RFC3: variants seen among roughly 807,000 people sequenced by gnomAD.
RFC3 encodes replication factor C subunit 3.
RFC3 carries 41 observed loss-of-function variants against 45.1 expected under a neutral mutation model. The ratio of observed to expected loss-of-function variants is 0.91; its 90% confidence interval spans 0.71 to 1.18. The LOEUF (loss-of-function observed/expected upper bound fraction) is 1.18. RFC3 is among the 50% of genes most tolerant of loss of function. RFC3 has a pLI of 0.00. For missense variants in RFC3, 423 were observed against 428.1 expected (o/e 0.99, Z 0.10); for synonymous variants, 149 against 144.0 (o/e 1.03, Z -0.25).
At chr13:33,831,171 C>T (rs778174983) in intron 6 of RFC3, 85 bp from the exon 7 acceptor site, 35 of 830,622 alleles carry the variant, frequency 4.2e-5, no homozygotes, top group South Asian at 2.9e-4. Context: ...GGTTCCTAAC[C>T]GCACGGACCA....
rs755494831 is a variant in RFC3, at chr13:33,835,194, A to G, written c.856A>G (p.Ile286Val). ...GCTGTATGAGCTTCTAACTCATTGT[A>G]TTCCTCCTGAGATAATAATGAAGGT... Reference protein sequence around the residue: ...GRLYELLTHCIPPEIIMKGLL... With the variant: ...GRLYELLTHCVPPEIIMKGLL... The change falls in exon 8 of 9, where the codon ATT (isoleucine) becomes GTT (valine). Residue 286 changes from isoleucine (I) to valine (V), a missense_variant. Coordinates refer to ENST00000380071, the MANE Select transcript of RFC3 (RefSeq NM_002915.4). 2.5e-6 allele frequency: 4 copies of G among 1,609,560 alleles called. No individual in the cohort carries two copies. Among genetic ancestry groups the G allele is most frequent in the Middle Eastern group, 1.6e-4 (1 of 6,066 alleles).
rs1246684488 is a variant in RFC3 at position 33,933,203 on chromosome 13, C to G, written c.880-32884C>G. Reference sequence around the variant, plus strand: ...TTTTTTCTTTTCCTGCTTGCTAATGCCGAGCTGATGATGCAGAATATGGAC... The same window carrying G: ...TTTTTTCTTTTCCTGCTTGCTAATGGCGAGCTGATGATGCAGAATATGGAC... On this transcript the variant is annotated intron_variant, in intron 8 of 8. Transcript: ENST00000434425. Among the ~76,000 whole-genome samples the G allele has an allele frequency of 2.0e-5, 3 of 152,040 alleles. No homozygotes were observed. The East Asian group carries it at 5.8e-4, about 29-fold the overall frequency.
chr13:33,935,699 T>C (rs147532808), intron 8 of RFC3, among the ~76,000 whole-genome samples: 1,913 of 152,246 alleles, frequency 0.013, 26 homozygotes, highest in Non-Finnish European at 0.018. Context: ...TCTGAAACTT[T>C]TGTTCCTTTG....
At chr13:33,883,653 G>T (rs1183765186) in intron 8 of RFC3, among the ~76,000 whole-genome samples, 1 of 152,166 alleles carries the variant, frequency 6.6e-6, no homozygotes, top group Non-Finnish European at 1.5e-5. Context: ...AATAGGTAAA[G>T]GGTACATGGA....
intron 8 of RFC3, among the ~76,000 whole-genome samples, chr13:33,890,042 A>G (rs565188071): frequency 1.3e-5 from 2 of 152,130 alleles, no homozygotes; most frequent in Admixed American, 6.5e-5. Context: ...TATATTTTAT[A>G]TATGTATCTG....
At position 33,933,693 on chromosome 13, in the gene RFC3, C is replaced by A. The variant is rs138161327; in HGVS notation, c.880-32394C>A. ...TAAGAAGGGAGAAACTTTTTTTCCCCTCTCCTATTAAGGATCACTGACCGG... is the reference window on the plus strand; with the variant it reads ...TAAGAAGGGAGAAACTTTTTTTCCCATCTCCTATTAAGGATCACTGACCGG... On this transcript the variant is annotated intron_variant, in intron 8 of 8. Transcript: ENST00000434425. Among the ~76,000 whole-genome samples, 1,097 of 151,288 alleles carry A rather than the reference C, an allele frequency of 7.3e-3. 13 individuals are homozygous for A. Among genetic ancestry groups the A allele is most frequent in the African/African-American group, 0.024 (988 of 41,190 alleles).
intron 2 of RFC3, among the ~76,000 whole-genome samples, chr13:33,823,141 T>C (rs1397602590): frequency 6.6e-6 from 1 of 152,142 alleles, no homozygotes; most frequent in Non-Finnish European, 1.5e-5. Context: ...TGATAAAACC[T>C]ACTGTAGATG....
intron 7 of RFC3, among the ~76,000 whole-genome samples, chr13:33,834,298 G>GTGTGTGTATATA (rs1302839326): frequency 2.5e-4 from 27 of 109,196 alleles, no homozygotes; most frequent in African/African-American, 8.7e-4. Context: ...TGTACTGTGT[G>GTGTGTGTATATA]TATATATATA....
At chr13:33,858,546 C>T (rs2082321251) in intron 8 of RFC3, among the ~76,000 whole-genome samples, 2 of 152,106 alleles carry the variant, frequency 1.3e-5, no homozygotes, top group African/African-American at 4.8e-5. Context: ...GCAGCTGAAA[C>T]CCCAAATAAT....
chr13:33,967,066 A>C (rs937833126), downstream of RFC3, among the ~76,000 whole-genome samples: 2 of 152,036 alleles, frequency 1.3e-5, no homozygotes, highest in Non-Finnish European at 2.9e-5. Context: ...CTGAGGTGGG[A>C]GGATCACTAG....
intron 8 of RFC3, among the ~76,000 whole-genome samples, chr13:33,889,033 C>T (rs1459427904): frequency 1.3e-5 from 2 of 152,134 alleles, no homozygotes; most frequent in African/African-American, 2.4e-5. Context: ...CATGAGCCAT[C>T]GCGCCCGGCC....
chr13:33,931,361 C>G (rs1389613778), intron 8 of RFC3, among the ~76,000 whole-genome samples: 5 of 152,086 alleles, frequency 3.3e-5, no homozygotes, highest in Non-Finnish European at 7.4e-5. Context: ...CGGGTCCCCA[C>G]CCTGGAGTTT....
chr13:33,827,585 G>C (rs941686792), intron 4 of RFC3, among the ~76,000 whole-genome samples: 3 of 152,130 alleles, frequency 2.0e-5, no homozygotes, highest in Non-Finnish European at 4.4e-5. Context: ...AAAGTGAAAT[G>C]TTGTAGGGTC....
chr13:33,818,202 T>C lies in RFC3; in HGVS notation c.24T>C (p.Tyr8=), dbSNP rs1038892595. ...CCATGAGCCTCTGGGTGGACAAGTA[T>C]CGGCCCTGCTCCTTGGGACGGCTGG... The part of the protein sequence containing the change: MSLWVDK[Y]RPCSLGRLDY... The change falls in exon 1 of 9, where the codon TAT becomes TAC. Residue 8 remains tyrosine (Y), a synonymous_variant. Transcript: ENST00000380071. 2.5e-6 allele frequency: 4 copies of C among 1,613,474 alleles called. No homozygotes were observed. The Admixed American group carries it at 6.7e-5, about 27-fold the overall frequency.
At chr13:33,863,485 G>A (rs529699179) in intron 8 of RFC3, among the ~76,000 whole-genome samples, 8 of 152,290 alleles carry the variant, frequency 5.3e-5, no homozygotes, top group Middle Eastern at 6.8e-3. Context: ...CATATGTTCT[G>A]TGGGTCTGTG....
chr13:33,818,165 G>A lies in RFC3; in HGVS notation c.-14G>A. On this transcript the variant is annotated 5_prime_UTR_variant, in exon 1 of 9. Transcript: ENST00000380071. ...GGGATTTTCAAGCGTAGGCCCCCGG[G>A]AACTCGAGCTGCCATGAGCCTCTGG... 2 of 1,609,750 alleles carry A rather than the reference G, an allele frequency of 1.2e-6. No homozygotes were observed. Among genetic ancestry groups the A allele is most frequent in the Non-Finnish European group, 1.7e-6 (2 of 1,177,638 alleles).
chr13:33,821,103 G>C, intron 1 of RFC3, 29 bp from the exon 2 acceptor site: 3 of 1,612,060 alleles, frequency 1.9e-6, no homozygotes, highest in Non-Finnish European at 2.5e-6. Flanking sequence ...AGTTTGACTA[G>C]GGAAAAATGC....
chr13:33,877,159 C>T (rs1002051094), intron 8 of RFC3, among the ~76,000 whole-genome samples: 3 of 152,278 alleles, frequency 2.0e-5, no homozygotes, highest in East Asian at 1.9e-4. Context: ...ACATTTTTAC[C>T]TGTGAGAAGG....
chr13:33,973,811 T>C, the RFC3 span, among the ~76,000 whole-genome samples: 1 of 151,958 alleles, frequency 6.6e-6, no homozygotes, highest in Non-Finnish European at 1.5e-5. Flanking sequence ...CCATCACGCC[T>C]GGCTAATTTT....
Sources: gnomAD v4.1 joint callset for allele counts (sites outside exome capture counted in the v4.1 genomes callset) on GRCh38, gnomAD v4.1.1 for gene constraint, MANE v1.5 for transcripts, NCBI Gene and HGNC (gene_info 2026-07-23, HGNC 2026-07-21) for gene names.